CSMD1: variants seen among roughly 807,000 people sequenced by gnomAD.
The protein encoded by CSMD1 is CUB and sushi domain-containing protein 1.
Under a neutral mutation model 417.5 loss-of-function variants are expected in CSMD1, and 213 were observed. The ratio of observed to expected loss-of-function variants is 0.51; its 90% CI spans 0.46 to 0.57. The LOEUF is 0.57. CSMD1 is among the 20% of genes least tolerant of loss of function. The probability of loss-of-function intolerance (pLI) is 0.00; values close to 1 mark genes in which losing one functional copy is unlikely to be tolerated. For synonymous variants in CSMD1, 2,862 were observed against 1,736.8 expected, an observed-to-expected ratio of 1.65 and a Z score of -16.11; for missense variants, 6,923 against 4,529.7, an observed-to-expected ratio of 1.53 and a Z score of -15.17.
At chr8:2,940,465 A>C (rs1585027207) in intron 69 of CSMD1, among the ~76,000 whole-genome samples, 1 of 152,236 alleles carries the variant, frequency 6.6e-6, no homozygotes, top group African/African-American at 2.4e-5. Context: ...CAGATTCCCC[A>C]CCGACCCAGA....
chr8:3,176,022 T>G (rs1029311172), intron 37 of CSMD1, among the ~76,000 whole-genome samples: 2 of 152,122 alleles, frequency 1.3e-5, no homozygotes, highest in African/African-American at 4.8e-5. Context: ...GGATATTAAT[T>G]TTGGATAGAT....
At chr8:4,940,000 A>T (rs1288924689) in intron 1 of CSMD1, among the ~76,000 whole-genome samples, 2 of 152,208 alleles carry the variant, frequency 1.3e-5, no homozygotes, top group African/African-American at 4.8e-5. Flanking sequence ...GTTATTGGGA[A>T]GATTGGGAAA....
At chr8:4,499,049 T>G (rs1802120014) in intron 2 of CSMD1, among the ~76,000 whole-genome samples, 1 of 152,166 alleles carries the variant, frequency 6.6e-6, no homozygotes, top group African/African-American at 2.4e-5. Flanking sequence ...ACAGATCTCT[T>G]AAGAATACAG....
chr8:3,809,422 C>T (rs933895179), intron 5 of CSMD1, among the ~76,000 whole-genome samples: 1 of 152,204 alleles, frequency 6.6e-6, no homozygotes, highest in African/African-American at 2.4e-5. Context: ...TTGTTTCCTT[C>T]TCCATCAAAA....
chr8:4,094,598 G>A (rs544559668), intron 3 of CSMD1, among the ~76,000 whole-genome samples: 1 of 152,162 alleles, frequency 6.6e-6, no homozygotes, highest in Non-Finnish European at 1.5e-5. Flanking sequence ...TGCTGTGCTT[G>A]TGTAGGTCAG....
chr8:3,340,768 A>G lies in CSMD1; in HGVS notation c.3631+2526T>C, dbSNP rs527372964. Among the ~76,000 whole-genome samples, 4 of 152,280 alleles carry G rather than the reference A, an allele frequency of 2.6e-5. No individual in the cohort carries two copies. The South Asian group carries it at 8.3e-4, about 32-fold the overall frequency. On this transcript the variant is annotated intron_variant, in intron 23 of 69. Transcript: ENST00000635120. ...TGATTATATGGCCATCAGCACCACC[A>G]ATTTTCTATTACAAATATATCTTCC...
At position 3,110,238 on chromosome 8, in the gene CSMD1, G is replaced by A; in HGVS notation, c.6528C>T (p.Ile2176=). 1.2e-6 allele frequency: 2 copies of A among 1,613,320 alleles called. No individual in the cohort carries two copies. Among genetic ancestry groups the A allele is most frequent in the South Asian group, 1.1e-5 (1 of 90,818 alleles). The part of the protein sequence containing the change: ...YPILKDCIWL[I]TVPPGHGVYI... Reference sequence around the variant, plus strand: ...AAACTCCGTGCCCTGGAGGCACCGTGATGAGCCAAATGCAGTCCTTCAGGA... The same window carrying A: ...AAACTCCGTGCCCTGGAGGCACCGTAATGAGCCAAATGCAGTCCTTCAGGA... Residue 2176 remains isoleucine (I), a synonymous_variant, in exon 43 of 70, where the codon ATC becomes ATT. Coordinates refer to ENST00000635120, the MANE Select transcript of CSMD1 (RefSeq NM_033225.6).
At chr8:3,817,972 C>T (rs563869808) in intron 5 of CSMD1, among the ~76,000 whole-genome samples, 1 of 152,270 alleles carries the variant, frequency 6.6e-6, no homozygotes, top group South Asian at 2.1e-4. Flanking sequence ...CTTTGGTATA[C>T]TTACTTGTAT....
At chr8:4,378,744 T>G (rs1369187765) in intron 3 of CSMD1, among the ~76,000 whole-genome samples, 1 of 152,120 alleles carries the variant, frequency 6.6e-6, no homozygotes, top group Non-Finnish European at 1.5e-5. Context: ...TTTGGGAGAT[T>G]ATGAGGTTAT....
intron 12 of CSMD1, among the ~76,000 whole-genome samples, chr8:3,414,071 G>C (rs1256324650): frequency 6.6e-6 from 1 of 150,810 alleles, no homozygotes; most frequent in East Asian, 1.9e-4. Context: ...ACCAGGAGGT[G>C]GACGTTGCAG....
chr8:3,783,903 G>C (rs1460366410), intron 5 of CSMD1, among the ~76,000 whole-genome samples: 3 of 61,506 alleles, frequency 4.9e-5, no homozygotes, highest in African/African-American at 2.1e-4. Flanking sequence ...TTGTGGTGCA[G>C]GCTGGAGCTG....
intron 5 of CSMD1, among the ~76,000 whole-genome samples, chr8:3,987,021 C>T (rs1814381642): frequency 6.6e-6 from 1 of 152,144 alleles, no homozygotes. Context: ...TCCCAAAGTG[C>T]TGGGATTACA....
chr8:3,150,325 T>G (rs1216792616), intron 40 of CSMD1, among the ~76,000 whole-genome samples: 3 of 152,332 alleles, frequency 2.0e-5, no homozygotes, highest in African/African-American at 7.2e-5. Context: ...CCCATCGAGC[T>G]GCTCTTCCAC....
intron 1 of CSMD1, among the ~76,000 whole-genome samples, chr8:4,652,166 T>C (rs895755395): frequency 9.2e-5 from 14 of 152,164 alleles, no homozygotes; most frequent in African/African-American, 2.4e-4. Context: ...TATTCCCAAT[T>C]ATAAAGCATT....
At chr8:4,557,540 C>G (rs1449671109) in intron 2 of CSMD1, among the ~76,000 whole-genome samples, 1 of 150,086 alleles carries the variant, frequency 6.7e-6, no homozygotes, top group Non-Finnish European at 1.5e-5. Flanking sequence ...TCTTTAACAA[C>G]GTGAGAATGA....
chr8:3,088,843 TAA>T (rs5888943), intron 48 of CSMD1, among the ~76,000 whole-genome samples: 13 of 114,072 alleles, frequency 1.1e-4, no homozygotes, highest in Admixed American at 4.7e-4. Flanking sequence ...ACTGTGCTAG[TAA>T]AAAAAAAAAA....
At chr8:4,762,146 A>G (rs1019396960) in intron 1 of CSMD1, among the ~76,000 whole-genome samples, 2 of 152,236 alleles carry the variant, frequency 1.3e-5, no homozygotes, top group South Asian at 2.1e-4. Context: ...GTAAAAGGTA[A>G]GATGTCACCA....
chr8:3,467,078 T>A (rs1028525772), intron 12 of CSMD1, among the ~76,000 whole-genome samples: 1 of 152,218 alleles, frequency 6.6e-6, no homozygotes, highest in Non-Finnish European at 1.5e-5. Context: ...GGGTGGCTAC[T>A]GAGACTCTTA....
chr8:4,093,622 T>G (rs565755953), intron 3 of CSMD1, among the ~76,000 whole-genome samples: 1 of 152,048 alleles, frequency 6.6e-6, no homozygotes, highest in Non-Finnish European at 1.5e-5. Flanking sequence ...AAAGTCGAAT[T>G]TAAGCCAACT....
Sources: allele counts gnomAD v4.1 joint callset (sites outside exome capture counted in the v4.1 genomes callset), GRCh38; gene constraint gnomAD v4.1.1; transcripts MANE v1.5; gene names NCBI Gene and HGNC (gene_info 2026-07-23, HGNC 2026-07-21).